KCNH1: variants seen among roughly 807,000 people sequenced by gnomAD.
KCNH1 encodes voltage-gated delayed rectifier potassium channel KCNH1.
A neutral mutation model predicts 69.2 loss-of-function variants in KCNH1; 27 were observed. The observed-to-expected ratio is 0.39, with a 90% CI of 0.29 to 0.54. The LOEUF (loss-of-function observed/expected upper bound fraction) is 0.54, where lower values mean the gene tolerates loss of function less well. Among genes scored for constraint, KCNH1 ranks in the 20% least tolerant of loss-of-function variants. The pLI is 0.68. For synonymous variants in KCNH1, 456 were observed against 487.7 expected (o/e 0.93, Z 0.86); for missense variants, 798 against 1,261.6 (o/e 0.63, Z 5.57).
intron 5 of KCNH1, among the ~76,000 whole-genome samples, chr1:211,026,979 A>T (rs1689695878): frequency 6.6e-6 from 1 of 152,176 alleles, no homozygotes; most frequent in Non-Finnish European, 1.5e-5. Context: ...TGCCATATAA[A>T]TATTAAACCT....
At chr1:210,955,027 G>A (rs564814512) in intron 6 of KCNH1, among the ~76,000 whole-genome samples, 1 of 152,118 alleles carries the variant, frequency 6.6e-6, no homozygotes, top group Non-Finnish European at 1.5e-5. Context: ...GGGTTTTTAC[G>A]GTTTTAGGTC....
intron 8 of KCNH1, among the ~76,000 whole-genome samples, chr1:210,798,646 A>G (rs894891155): frequency 4.8e-5 from 7 of 147,184 alleles, no homozygotes; most frequent in Non-Finnish European, 1.1e-4. Context: ...GCGATGTTAG[A>G]GAGTGCTGAC....
chr1:210,707,082 T>C (rs920968093), intron 10 of KCNH1, among the ~76,000 whole-genome samples: 1 of 152,204 alleles, frequency 6.6e-6, no homozygotes, highest in African/African-American at 2.4e-5. Flanking sequence ...CGCACGTGTA[T>C]GTGTGTAGGG....
chr1:211,052,663 G>T (rs559649833), intron 5 of KCNH1, among the ~76,000 whole-genome samples: 58 of 152,320 alleles, frequency 3.8e-4, no homozygotes, highest in African/African-American at 1.3e-3. Context: ...AGAAAAAGGG[G>T]TAACATTTTT....
intron 10 of KCNH1, among the ~76,000 whole-genome samples, chr1:210,745,591 T>G (rs1489916538): frequency 6.6e-6 from 1 of 152,178 alleles, no homozygotes; most frequent in African/African-American, 2.4e-5. Context: ...TCCTGGCATC[T>G]CCATACTGTT....
Position 210,678,792 on chromosome 1 carries a change from CCTGATACAAGAT to C in KCNH1, c.*4477_*4488del, listed in dbSNP as rs1268883540. 4 of 152,122 alleles carry C rather than the reference CCTGATACAAGAT, an allele frequency of 2.6e-5. No homozygotes were observed. Among genetic ancestry groups the C allele is most frequent in the African/African-American group, 9.7e-5 (4 of 41,404 alleles). 9.4% of individuals were successfully genotyped at this position (152,122 alleles called of 1,614,324 possible). A position where few individuals can be genotyped will look rare whatever the true frequency, so the allele number is the denominator to read the frequency against. On this transcript the variant is annotated 3_prime_UTR_variant, in exon 11 of 11. Coordinates refer to ENST00000271751, the MANE Select transcript of KCNH1 (RefSeq NM_172362.3). ...CCTTCAACATAAGATCAGTTTATAT[CCTGATACAAGAT>C]CTGTGAACTTCTCATTGAACAACTA...
intron 5 of KCNH1, among the ~76,000 whole-genome samples, chr1:211,064,343 G>A (rs1448365158): frequency 2.6e-5 from 4 of 152,180 alleles, no homozygotes; most frequent in African/African-American, 4.8e-5. Flanking sequence ...GGTGGATCAC[G>A]AGGTCAGGAG....
At chr1:210,946,712 C>G (rs903289737) in intron 6 of KCNH1, among the ~76,000 whole-genome samples, 1 of 152,180 alleles carries the variant, frequency 6.6e-6, no homozygotes, top group African/African-American at 2.4e-5. Flanking sequence ...CCTTCTCTCC[C>G]GCCGTGTTCT....
At chr1:210,847,744 TA>T (rs1685591876) in intron 7 of KCNH1, among the ~76,000 whole-genome samples, 1 of 150,478 alleles carries the variant, frequency 6.6e-6, no homozygotes, top group East Asian at 1.9e-4. Flanking sequence ...AATAAAATTT[TA>T]AAAAATAAAT....
chr1:211,077,950 A>G (rs1445853304), intron 5 of KCNH1, among the ~76,000 whole-genome samples: 1 of 152,152 alleles, frequency 6.6e-6, no homozygotes, highest in Non-Finnish European at 1.5e-5. Flanking sequence ...AGAAAAAAAA[A>G]AAAGCAGGGT....
At chr1:210,996,318 G>T (rs1196090429) in intron 6 of KCNH1, among the ~76,000 whole-genome samples, 1 of 152,160 alleles carries the variant, frequency 6.6e-6, no homozygotes, top group Non-Finnish European at 1.5e-5. Flanking sequence ...CTTAAAAAAC[G>T]GCACACCAGG....
At position 210,919,430 on chromosome 1, in the gene KCNH1, T is replaced by C; in HGVS notation, c.1462+210A>G. On this transcript the variant is annotated intron_variant, in intron 7 of 10. Coordinates refer to ENST00000271751, the MANE Select transcript of KCNH1 (RefSeq NM_172362.3). The surrounding 1 kb of genome is among the most constrained non-coding windows in gnomAD (Gnocchi z 4.2). ...AAGCAGAATTATGGATAGTCTTTAC[T>C]TTCTACTTTGCACTCTTTTGTATTT... 1 of 567,284 alleles carries C rather than the reference T, an allele frequency of 1.8e-6. No homozygotes were observed. Among genetic ancestry groups the C allele is most frequent in the East Asian group, 2.9e-5 (1 of 34,614 alleles). 35.1% of individuals were successfully genotyped at this position (567,284 alleles called of 1,614,324 possible).
At chr1:211,002,206 A>T (rs1227373225) in intron 6 of KCNH1, among the ~76,000 whole-genome samples, 2 of 151,846 alleles carry the variant, frequency 1.3e-5, no homozygotes, top group Admixed American at 6.6e-5. Flanking sequence ...ATAATAATAA[A>T]AAAAGAATTT....
chr1:211,115,718 T>TAC (rs1491112864), intron 1 of KCNH1, among the ~76,000 whole-genome samples: 2 of 51,154 alleles, frequency 3.9e-5, no homozygotes, highest in Non-Finnish European at 6.5e-5. Flanking sequence ...TATATATATG[T>TAC]ATATATATAT....
chr1:211,100,085 C>T (rs944146694), intron 3 of KCNH1, among the ~76,000 whole-genome samples: 1 of 152,134 alleles, frequency 6.6e-6, no homozygotes, highest in Non-Finnish European at 1.5e-5. Flanking sequence ...CAGATTCAAA[C>T]TCCTGGGCTC....
At chr1:211,069,715 A>G (rs1372904603) in intron 5 of KCNH1, among the ~76,000 whole-genome samples, 2 of 152,054 alleles carry the variant, frequency 1.3e-5, no homozygotes, top group Non-Finnish European at 2.9e-5. Context: ...CGGAAAAAAA[A>G]TTTGTGGCTA....
At chr1:210,903,630 A>G (rs1253047850) in intron 7 of KCNH1, among the ~76,000 whole-genome samples, 2 of 152,228 alleles carry the variant, frequency 1.3e-5, no homozygotes, top group Non-Finnish European at 2.9e-5. Flanking sequence ...AACAGAAAAA[A>G]TGAAATATCA....
chr1:210,709,725 AG>A (rs59690488), intron 10 of KCNH1, among the ~76,000 whole-genome samples: 49,858 of 123,914 alleles, frequency 0.4, 9,740 homozygotes, highest in South Asian at 0.55. Flanking sequence ...AAGAAAGAAG[AG>A]AGAGAGAGAG....
chr1:210,898,654 A>G (rs1686922967), intron 7 of KCNH1, among the ~76,000 whole-genome samples: 1 of 142,604 alleles, frequency 7.0e-6, no homozygotes, highest in South Asian at 2.3e-4. Flanking sequence ...GAACCGCAAG[A>G]CCCCTTGGAG....
Sources: gnomAD v4.1 joint callset for allele counts (sites outside exome capture counted in the v4.1 genomes callset) on GRCh38, gnomAD v4.1.1 for gene constraint, Gnocchi (gnomAD v3.1) non-coding constraint, MANE v1.5 for transcripts, NCBI Gene and HGNC (gene_info 2026-07-23, HGNC 2026-07-21) for gene names.